P2RY6: variants seen among roughly 807,000 people sequenced by gnomAD.
P2RY6 encodes P2Y purinoceptor 6.
P2RY6 carries 19 observed loss-of-function variants against 16.3 expected under a neutral mutation model. That is an observed-to-expected ratio of 1.16 (90% confidence interval 0.81 to 1.71). P2RY6 has a LOEUF of 1.71. P2RY6 is among the 40% of genes most tolerant of loss of function. The pLI, the probability that P2RY6 is intolerant of heterozygous loss-of-function variation, is 0.00. For synonymous variants in P2RY6, 184 were observed against 201.5 expected (o/e 0.91, Z 0.74); for missense variants, 389 against 455.5 (o/e 0.85, Z 1.33).
chr11:73,280,953 C>A (rs968852058), intron 1 of P2RY6, among the ~76,000 whole-genome samples: 12 of 151,980 alleles, frequency 7.9e-5, no homozygotes, highest in African/African-American at 2.9e-4. Flanking sequence ...CAGAAAGGGG[C>A]TGGAATGGCC....
chr11:73,276,723 G>T lies in P2RY6; in HGVS notation c.-121+4257G>T, dbSNP rs78267773. ...AGGATGGGGATAAAAGGAATGGGGA[G>T]TAACTGCTATTGGGTACAGGATTTC... is the stretch of plus-strand genomic sequence containing the variant. On this transcript the variant is annotated intron_variant, in intron 1 of 2. Transcript: ENST00000540124. Among the ~76,000 whole-genome samples, 931 of 152,314 alleles carry T rather than the reference G, an allele frequency of 6.1e-3. 10 individuals are homozygous for T. Among genetic ancestry groups the T allele is most frequent in the African/African-American group, 0.021 (869 of 41,576 alleles).
Position 73,297,494 on chromosome 11 carries a change from C to G in P2RY6, c.976C>G (p.Gln326Glu). 2 of 1,607,114 alleles carry G rather than the reference C, an allele frequency of 1.2e-6. No homozygotes were observed. The highest frequency in any genetic ancestry group is 1.7e-6 in the Non-Finnish European group (2 of 1,175,132). Residue 326 changes from glutamine (Q) to glutamate (E), a missense_variant, in exon 3 of 3, where the codon CAG (glutamine) becomes GAG (glutamate). By Grantham distance (29) the Gln-to-Glu change is conservative. Coordinates refer to ENST00000540124, the MANE Select transcript of P2RY6 (RefSeq NM_001277204.2). ...GAAACTCACAGCCAAATGGCAGAGG[C>G]AGGGTCGCTGAGTCCTCCAGGTCCT... Reference protein sequence around the residue: ...LQKLTAKWQRQGR With the variant: ...LQKLTAKWQREGR
chr11:73,269,545 G>C (rs1397898321), upstream of P2RY6, among the ~76,000 whole-genome samples: 6 of 152,200 alleles, frequency 3.9e-5, no homozygotes. Context: ...CAGCATGTGT[G>C]TGGAGCACAT....
chr11:73,269,766 G>A (rs111416977), upstream of P2RY6: 1 of 152,268 alleles, frequency 6.6e-6, no homozygotes, highest in Non-Finnish European at 1.5e-5. Context: ...CAGCCTGGGG[G>A]CCTGACTGGG....
intron 1 of P2RY6, among the ~76,000 whole-genome samples, chr11:73,290,375 GAGAA>G (rs1864192314): frequency 6.6e-6 from 1 of 151,162 alleles, no homozygotes; most frequent in African/African-American, 2.4e-5. Flanking sequence ...AGGAAAGAAA[GAGAA>G]AGAAAGAAGG....
upstream of P2RY6, among the ~76,000 whole-genome samples, chr11:73,268,983 T>G (rs1008935252): frequency 1.3e-5 from 2 of 151,924 alleles, no homozygotes; most frequent in Non-Finnish European, 2.9e-5. Flanking sequence ...CAGGAAGGGG[T>G]GAGACCCACC....
chr11:73,293,005 C>CT (rs1353922999), intron 1 of P2RY6: 1 of 453,784 alleles, frequency 2.2e-6, no homozygotes, highest in Non-Finnish European at 2.9e-6. Context: ...GGAACTGTGA[C>CT]TTCGGGTAGG....
chr11:73,281,409 C>T (rs560034523), intron 1 of P2RY6, among the ~76,000 whole-genome samples: 1 of 152,214 alleles, frequency 6.6e-6, no homozygotes, highest in Non-Finnish European at 1.5e-5. Context: ...ATCTGGCTCC[C>T]TTGGGCAGGG....
At chr11:73,277,565 A>C (rs1453905211) in intron 1 of P2RY6, among the ~76,000 whole-genome samples, 1 of 152,254 alleles carries the variant, frequency 6.6e-6, no homozygotes, top group Non-Finnish European at 1.5e-5. Context: ...TTTGTTCCTC[A>C]CAATAGGATT....
At chr11:73,289,399 CCACG>C (rs556664463) in intron 1 of P2RY6, 6 of 152,132 alleles carry the variant, frequency 3.9e-5, no homozygotes, top group Admixed American at 3.9e-4. Flanking sequence ...GTCGTCCCTG[CCACG>C]TCCCCAGTGG....
chr11:73,293,056 T>G (rs971583528), intron 1 of P2RY6: 39 of 329,840 alleles, frequency 1.2e-4, no homozygotes, highest in Non-Finnish European at 1.4e-4. Context: ...GGCCACAGAG[T>G]TAGGAGGCCC....
chr11:73,275,700 G>A (rs2135701790), intron 1 of P2RY6, among the ~76,000 whole-genome samples: 1 of 152,306 alleles, frequency 6.6e-6, no homozygotes, highest in South Asian at 2.1e-4. Context: ...GTTTGGCACA[G>A]AAATGCCTCT....
chr11:73,272,527 CTGAG>C (rs1863356342), intron 1 of P2RY6, 61 bp downstream of exon 1: 3 of 984,264 alleles, frequency 3.0e-6, no homozygotes, highest in Admixed American at 6.1e-5. Flanking sequence ...TAGGAGCTTC[CTGAG>C]TAACTGCAGT....
intron 1 of P2RY6, among the ~76,000 whole-genome samples, chr11:73,266,146 C>G (rs562505966): frequency 6.6e-6 from 1 of 152,320 alleles, no homozygotes; most frequent in East Asian, 1.9e-4. Flanking sequence ...CAGAGAGTCC[C>G]TATTTGAGTA....
intron 1 of P2RY6, among the ~76,000 whole-genome samples, chr11:73,266,247 G>A (rs1677425935): frequency 6.6e-6 from 1 of 152,172 alleles, no homozygotes; most frequent in African/African-American, 2.4e-5. Flanking sequence ...TCTGGGAGAG[G>A]ACAATGCAGG....
chr11:73,268,683 A>G (rs1231268968), upstream of P2RY6, among the ~76,000 whole-genome samples: 1 of 152,182 alleles, frequency 6.6e-6, no homozygotes, highest in Non-Finnish European at 1.5e-5. Flanking sequence ...GCTTCCTGCA[A>G]GCTTGAAGTG....
intron 1 of P2RY6, among the ~76,000 whole-genome samples, chr11:73,284,701 C>T (rs1218531817): frequency 6.6e-6 from 1 of 152,186 alleles, no homozygotes; most frequent in Non-Finnish European, 1.5e-5. Context: ...CCCCCGTGCA[C>T]CCAGTCCTCT....
chr11:73,274,949 T>C (rs1863475712), intron 1 of P2RY6, among the ~76,000 whole-genome samples: 1 of 152,264 alleles, frequency 6.6e-6, no homozygotes, highest in South Asian at 2.1e-4. Flanking sequence ...CTGTGACTGT[T>C]GGCTTGTCCA....
At chr11:73,290,361 AAGAAGGAAAGAAAG>A (rs1864187753) in intron 1 of P2RY6, among the ~76,000 whole-genome samples, 3 of 106,870 alleles carry the variant, frequency 2.8e-5, no homozygotes, top group Admixed American at 8.7e-5. Context: ...GAAAGAAAGA[AAGAAGGAAAGAAAG>A]AGAAAGAAAG....
Sources: gnomAD v4.1 joint callset for allele counts (sites outside exome capture counted in the v4.1 genomes callset) on GRCh38, gnomAD v4.1.1 for gene constraint, MANE v1.5 for transcripts, NCBI Gene and HGNC (gene_info 2026-07-23, HGNC 2026-07-21) for gene names.